Variants in SEMA3A observed in about 807,000 individuals in gnomAD.
SEMA3A encodes the protein semaphorin-3A.
A neutral mutation model predicts 97.9 loss-of-function variants in SEMA3A; 29 were observed. The ratio of observed to expected loss-of-function variants is 0.30; its 90% confidence interval spans 0.22 to 0.40. The LOEUF is 0.40. SEMA3A is among the 10% of genes least tolerant of loss of function. The pLI, the probability that SEMA3A is intolerant of heterozygous loss-of-function variation, is 1.00. For synonymous variants in SEMA3A, 321 were observed against 323.7 expected (o/e 0.99, Z 0.09); for missense variants, 763 against 951.3 (o/e 0.80, Z 2.60).
chr7:84,110,647 C>A (rs1583981987), intron 3 of SEMA3A, 58 bp from the exon 4 acceptor site: 1 of 1,579,208 alleles, frequency 6.3e-7, no homozygotes, highest in South Asian at 1.2e-5. Context: ...GAGGTATCCT[C>A]TAGGGTGCTA....
chr7:84,472,259 T>A lies in SEMA3A; in HGVS notation c.-246+20201A>T, dbSNP rs187703522. 8.4e-4 allele frequency among the ~76,000 whole-genome samples: 128 copies of A among 152,204 alleles called. 1 individual carries two copies. The highest frequency in any genetic ancestry group is 3.4e-3 in the Middle Eastern group (1 of 294). On this transcript the variant is annotated intron_variant, in intron 1 of 3. Transcript: ENST00000424555. ...TACAATGACAAACATGAGTTATATTTTCCCACTCCCCCACTCGAACACATG... is the reference window on the plus strand; with the variant it reads ...TACAATGACAAACATGAGTTATATTATCCCACTCCCCCACTCGAACACATG...
At chr7:84,239,395 A>C (rs1253696820) in intron 3 of SEMA3A, among the ~76,000 whole-genome samples, 1 of 152,164 alleles carries the variant, frequency 6.6e-6, no homozygotes, top group East Asian at 1.9e-4. Flanking sequence ...TCTGTAAGTA[A>C]TCCACTTTTT....
chr7:84,137,824 A>T (rs1796190780), intron 1 of SEMA3A, among the ~76,000 whole-genome samples: 2 of 152,136 alleles, frequency 1.3e-5, no homozygotes, highest in Admixed American at 6.5e-5. Context: ...TACATAAGGG[A>T]TCTCTAAGCA....
chr7:84,363,061 C>A (rs1203831681), intron 2 of SEMA3A, among the ~76,000 whole-genome samples: 1 of 151,954 alleles, frequency 6.6e-6, no homozygotes, highest in Non-Finnish European at 1.5e-5. Flanking sequence ...TGATCCAGAT[C>A]ACCATCCTGC....
chr7:84,038,433 T>A (rs1032848500), intron 6 of SEMA3A, among the ~76,000 whole-genome samples: 5 of 151,990 alleles, frequency 3.3e-5, no homozygotes, highest in Non-Finnish European at 7.4e-5. Flanking sequence ...TTGTAGTAGT[T>A]ATTTTTCCAA....
chr7:84,344,439 T>C (rs564534804), intron 2 of SEMA3A, among the ~76,000 whole-genome samples: 36 of 152,154 alleles, frequency 2.4e-4, no homozygotes, highest in African/African-American at 8.2e-4. Flanking sequence ...GTATCCAGAG[T>C]GCAGTGCAGA....
At chr7:84,065,482 C>T (rs1284280437) in intron 4 of SEMA3A, among the ~76,000 whole-genome samples, 2 of 151,102 alleles carry the variant, frequency 1.3e-5, no homozygotes, top group Non-Finnish European at 2.9e-5. Context: ...AATCCAGGAG[C>T]TGGTTTTTTG....
intron 2 of SEMA3A, among the ~76,000 whole-genome samples, chr7:84,331,330 T>C (rs1386253619): frequency 6.6e-6 from 1 of 152,148 alleles, no homozygotes; most frequent in Non-Finnish European, 1.5e-5. Flanking sequence ...ACAAGAGCCT[T>C]CTACCTTAAA....
chr7:84,014,627 C>T (rs1391094146), intron 6 of SEMA3A, among the ~76,000 whole-genome samples: 2 of 152,044 alleles, frequency 1.3e-5, no homozygotes, highest in South Asian at 2.1e-4. Context: ...ATTGCAGATG[C>T]GTTACTGGAT....
intron 12 of SEMA3A, among the ~76,000 whole-genome samples, chr7:83,996,337 C>T (rs1388832414): frequency 2.2e-5 from 3 of 133,632 alleles, no homozygotes; most frequent in Non-Finnish European, 3.1e-5. Context: ...TAGTCTCCCT[C>T]TGTCGCTCAG....
At chr7:84,250,632 T>C (rs1191125576) in intron 3 of SEMA3A, among the ~76,000 whole-genome samples, 1 of 152,176 alleles carries the variant, frequency 6.6e-6, no homozygotes. Flanking sequence ...GGATGACATT[T>C]GGGAGGCAAA....
At chr7:83,966,963 G>A (rs1446444031) in intron 15 of SEMA3A, among the ~76,000 whole-genome samples, 1 of 151,908 alleles carries the variant, frequency 6.6e-6, no homozygotes, top group Non-Finnish European at 1.5e-5. Context: ...CGCCCGCCTC[G>A]GCCTCTCAAA....
At chr7:84,292,192 C>T (rs1800764402) in intron 3 of SEMA3A, among the ~76,000 whole-genome samples, 1 of 152,014 alleles carries the variant, frequency 6.6e-6, no homozygotes. Flanking sequence ...AAGAAAACTC[C>T]TCTTGCCATT....
intron 6 of SEMA3A, among the ~76,000 whole-genome samples, chr7:84,033,023 CAA>C (rs1261989096): frequency 6.6e-6 from 1 of 151,772 alleles, no homozygotes; most frequent in Non-Finnish European, 1.5e-5. Flanking sequence ...GAGCTTCTGA[CAA>C]AAAGATGTTT....
intron 2 of SEMA3A, among the ~76,000 whole-genome samples, chr7:84,368,464 T>G (rs1244668080): frequency 6.6e-6 from 1 of 151,086 alleles, no homozygotes; most frequent in South Asian, 2.1e-4. Flanking sequence ...TATGCATCAC[T>G]TAAAAATTAT....
chr7:84,321,872 GAAAAAAAAAAAAAAAA>G (rs1156548285), intron 2 of SEMA3A, among the ~76,000 whole-genome samples: 2 of 12,076 alleles, frequency 1.7e-4, no homozygotes, highest in Non-Finnish European at 3.5e-4. Context: ...CGAGACTACG[GAAAAAAAAAAAAAAAA>G]AAAAAAAAAA....
chr7:84,063,764 C>T (rs931288966), intron 4 of SEMA3A, among the ~76,000 whole-genome samples: 4 of 149,192 alleles, frequency 2.7e-5, no homozygotes, highest in Non-Finnish European at 5.9e-5. Flanking sequence ...AAATATGGGA[C>T]TATGTGAAAA....
intron 4 of SEMA3A, among the ~76,000 whole-genome samples, chr7:84,067,136 T>A (rs77058595): frequency 0.91 from 138,495 of 152,218 alleles, 63,054 homozygotes; most frequent in East Asian, 0.95. Flanking sequence ...CAAGTATCTG[T>A]TCTTTGACAA....
chr7:84,190,957 G>GTA (rs1491280790), intron 1 of SEMA3A, among the ~76,000 whole-genome samples: 1 of 84,580 alleles, frequency 1.2e-5, no homozygotes, highest in Non-Finnish European at 2.3e-5. Context: ...AAATGTATTG[G>GTA]TATATACACA....
Sources: allele counts gnomAD v4.1 joint callset (sites outside exome capture counted in the v4.1 genomes callset), GRCh38; gene constraint gnomAD v4.1.1; transcripts MANE v1.5; gene names NCBI Gene and HGNC (gene_info 2026-07-23, HGNC 2026-07-21).